Variants in HIPK2 observed in about 807,000 individuals in gnomAD.
HIPK2 encodes homeodomain-interacting protein kinase 2.
Under a neutral mutation model 113.7 loss-of-function variants are expected in HIPK2, and 27 were observed. The ratio of observed to expected loss-of-function variants is 0.24; its 90% CI spans 0.17 to 0.33. The LOEUF is 0.33. HIPK2 is among the 10% of genes least tolerant of loss of function. The probability of loss-of-function intolerance (pLI) is 1.00; values close to 1 mark genes in which losing one functional copy is unlikely to be tolerated. For missense variants in HIPK2, 1,257 were observed against 1,588.0 expected, an observed-to-expected ratio of 0.79 and a Z score of 3.54; for synonymous variants, 631 against 642.2, an observed-to-expected ratio of 0.98 and a Z score of 0.26.
At chr7:139,768,084 C>T (rs1796582201) in intron 1 of HIPK2, among the ~76,000 whole-genome samples, 1 of 152,228 alleles carries the variant, frequency 6.6e-6, no homozygotes, top group Non-Finnish European at 1.5e-5. Context: ...CACCCCAGTT[C>T]CAAGCGGAGG....
intron 2 of HIPK2, among the ~76,000 whole-genome samples, chr7:139,704,972 T>C (rs150754493): frequency 0.17 from 25,844 of 152,110 alleles, 2,229 homozygotes; most frequent in African/African-American, 0.2. Flanking sequence ...GGAAGAGGTG[T>C]CTCCTCTCTC....
intron 2 of HIPK2, among the ~76,000 whole-genome samples, chr7:139,708,178 C>G (rs1384233883): frequency 6.6e-6 from 1 of 152,008 alleles, no homozygotes; most frequent in African/African-American, 2.4e-5. Context: ...GGAGCCCATG[C>G]CATCTAAGCA....
intron 1 of HIPK2, chr7:139,722,190 A>G (rs1795430329): frequency 1.0e-5 from 2 of 194,306 alleles, no homozygotes; most frequent in African/African-American, 4.7e-5. Flanking sequence ...CTATTACACA[A>G]CTATATATAA....
intron 1 of HIPK2, among the ~76,000 whole-genome samples, chr7:139,763,373 A>G (rs773274700): frequency 6.6e-6 from 1 of 151,918 alleles, no homozygotes; most frequent in Non-Finnish European, 1.5e-5. Flanking sequence ...CAGATGAGAC[A>G]TTATGGTGGC....
In HIPK2 at chr7:139,663,064, C is replaced by T. The variant is rs1299484421; in HGVS notation, c.1104-31339G>A. Among the ~76,000 whole-genome samples the T allele has an allele frequency of 2.6e-5, 4 of 152,176 alleles. No individual in the cohort carries two copies. The East Asian group carries it at 7.7e-4, about 29-fold the overall frequency. ...CCTCTGACTGGGTTTCAGGCCAGCT[C>T]CTTTCTGTCCATGACCTTCGACACT... On this transcript the variant is annotated intron_variant, in intron 2 of 14. Transcript: ENST00000406875.
intron 1 of HIPK2, among the ~76,000 whole-genome samples, chr7:139,757,907 CAA>C (rs1307029154): frequency 6.6e-6 from 1 of 151,998 alleles, no homozygotes; most frequent in Non-Finnish European, 1.5e-5. Flanking sequence ...CATATGCAAA[CAA>C]GAGGAGATAA....
chr7:139,678,268 TG>T (rs1222832029), intron 2 of HIPK2, among the ~76,000 whole-genome samples: 2 of 152,222 alleles, frequency 1.3e-5, no homozygotes, highest in African/African-American at 4.8e-5. Flanking sequence ...CCATTGCTTT[TG>T]GTGTTTTAGT....
chr7:139,594,171 G>GC (rs1453478672), intron 12 of HIPK2, among the ~76,000 whole-genome samples: 3 of 152,128 alleles, frequency 2.0e-5, no homozygotes, highest in Admixed American at 6.5e-5. Flanking sequence ...GGCCTTCAAA[G>GC]CCCCCCTCCC....
chr7:139,760,832 A>G (rs1384520595), intron 1 of HIPK2, among the ~76,000 whole-genome samples: 2 of 152,168 alleles, frequency 1.3e-5, no homozygotes, highest in African/African-American at 2.4e-5. Flanking sequence ...CCCTGATTGT[A>G]CTCTCTAATA....
At chr7:139,758,376 T>C (rs1425214707) in intron 1 of HIPK2, among the ~76,000 whole-genome samples, 1 of 152,158 alleles carries the variant, frequency 6.6e-6, no homozygotes, top group Non-Finnish European at 1.5e-5. Context: ...GGGAAAAATA[T>C]AAACTTTTAA....
At chr7:139,656,813 C>A (rs1334842881) in intron 2 of HIPK2, among the ~76,000 whole-genome samples, 1 of 152,150 alleles carries the variant, frequency 6.6e-6, no homozygotes, top group Non-Finnish European at 1.5e-5. Context: ...TCTTCATCTG[C>A]GATGCTCTCT....
chr7:139,616,073 C>CA (rs1010852790), intron 7 of HIPK2, among the ~76,000 whole-genome samples: 2 of 152,156 alleles, frequency 1.3e-5, no homozygotes, highest in African/African-American at 2.4e-5. Flanking sequence ...AGACTCCCCC[C>CA]AGCCCTTAGC....
chr7:139,716,808 G>T lies in HIPK2; in HGVS notation c.227C>A (p.Pro76Gln), dbSNP rs780924754. The change falls in exon 2 of 15, where the codon CCA (proline) becomes CAA (glutamine). Residue 76 changes from proline to glutamine, a missense_variant. By Grantham distance (76) the Pro-to-Gln change is moderately conservative. Transcript: ENST00000406875. The surrounding 1 kb of genome is among the most constrained non-coding windows in gnomAD (Gnocchi z 9.3). The stretch of plus-strand genomic sequence containing the variant: ...GATGGTCTGCTCGTAAGGTAGGCTT[G>T]GGTTTGGGACCGGCAAGGAGGTGCT... ...TVSTSLPVPN[P>Q]SLPYEQTIVF... 2 of 1,613,932 alleles carry T rather than the reference G, an allele frequency of 1.2e-6. No individual in the cohort carries two copies. The highest frequency in any genetic ancestry group is 4.5e-5 in the East Asian group (2 of 44,874).
chr7:139,641,417 C>T lies in HIPK2; in HGVS notation c.1104-9692G>A, dbSNP rs568024948. ...AAACTCCCTATCCACAATCCTCTTG[C>T]TTCTTCCTTGTGTGGAGAAATACTA... On this transcript the variant is annotated intron_variant, in intron 2 of 14. Coordinates refer to ENST00000406875, the MANE Select transcript of HIPK2 (RefSeq NM_022740.5). Among the ~76,000 whole-genome samples the T allele has an allele frequency of 5.3e-5, 8 of 151,850 alleles. No homozygotes were observed. The South Asian group carries it at 1.7e-3, about 32-fold the overall frequency.
intron 7 of HIPK2, among the ~76,000 whole-genome samples, chr7:139,615,493 T>C (rs1305725420): frequency 6.6e-6 from 1 of 152,216 alleles, no homozygotes; most frequent in African/African-American, 2.4e-5. Context: ...TGAACTTGCA[T>C]GAAAAATGAG....
At chr7:139,573,701 G>A (rs1798392108) in intron 14 of HIPK2, among the ~76,000 whole-genome samples, 1 of 152,018 alleles carries the variant, frequency 6.6e-6, no homozygotes, top group Non-Finnish European at 1.5e-5. Context: ...AAATTAGCCG[G>A]GCATGGTGGC....
At chr7:139,622,235 C>A (rs933141777) in intron 6 of HIPK2, among the ~76,000 whole-genome samples, 1 of 152,090 alleles carries the variant, frequency 6.6e-6, no homozygotes, top group African/African-American at 2.4e-5. Context: ...ACACTGGCTG[C>A]GTCATGCACA....
chr7:139,615,340 T>C (rs537715834), intron 7 of HIPK2, among the ~76,000 whole-genome samples: 1 of 152,318 alleles, frequency 6.6e-6, no homozygotes, highest in Non-Finnish European at 1.5e-5. Context: ...TGCATTCATG[T>C]TGGTATGCAG....
intron 6 of HIPK2, among the ~76,000 whole-genome samples, chr7:139,626,064 G>C (rs114351624): frequency 6.6e-6 from 1 of 151,652 alleles, no homozygotes; most frequent in East Asian, 1.9e-4. Context: ...GCAGGCCAGG[G>C]ACCCAGTCCA....
Sources: gnomAD v4.1 joint callset for allele counts (sites outside exome capture counted in the v4.1 genomes callset) on GRCh38, gnomAD v4.1.1 for gene constraint, Gnocchi (gnomAD v3.1) non-coding constraint, MANE v1.5 for transcripts, NCBI Gene and HGNC (gene_info 2026-07-23, HGNC 2026-07-21) for gene names.